Variants in CHMP4B observed in about 807,000 individuals in gnomAD.
CHMP4B encodes SNF7 homolog associated with Alix 1.
In CHMP4B, 1 loss-of-function variant was observed where a neutral mutation model predicts 25.1. The observed-to-expected ratio is 0.04, with a 90% confidence interval of 0.01 to 0.19. CHMP4B has a LOEUF of 0.19. Among genes scored for constraint, CHMP4B ranks in the 10% least tolerant of loss-of-function variants. CHMP4B has a pLI of 1.00. For synonymous variants in CHMP4B, 101 were observed against 115.6 expected, an observed-to-expected ratio of 0.87 and a Z score of 0.81; for missense variants, 151 against 289.7, an observed-to-expected ratio of 0.52 and a Z score of 3.48.
At chr20:33,850,897 G>A in intron 2 of CHMP4B, 55 bp from the exon 3 acceptor site, 1 of 1,304,934 alleles carries the variant, frequency 7.7e-7, no homozygotes, top group Non-Finnish European at 1.1e-6. Flanking sequence ...TGCCTTGCAG[G>A]CCCCCTTTAC....
intron 1 of CHMP4B, among the ~76,000 whole-genome samples, chr20:33,835,237 T>A (rs1471382342): frequency 6.6e-6 from 1 of 152,218 alleles, no homozygotes; most frequent in Non-Finnish European, 1.5e-5. Context: ...TAATGTATAT[T>A]TTTTTCTTTG....
In CHMP4B at chr20:33,854,086, GTGTATTGGCCC is replaced by G. The variant is rs2122821699; in HGVS notation, c.*530_*540del. On this transcript the variant is annotated 3_prime_UTR_variant, in exon 5 of 5. Coordinates refer to ENST00000217402, the MANE Select transcript of CHMP4B (RefSeq NM_176812.5). ...AGAGCTGTGTTTCTGTCCATCACCT[GTGTATTGGCCC>G]TGTGTTTACCACTCTGGCCCACTCC... The G allele has an allele frequency of 5.2e-6, 1 of 190,996 alleles. No individual in the cohort carries two copies. Among genetic ancestry groups the G allele is most frequent in the South Asian group, 1.0e-4 (1 of 9,776 alleles). 11.8% of individuals were successfully genotyped at this position (190,996 alleles called of 1,614,324 possible).
chr20:33,833,119 G>A (rs1462027608), intron 1 of CHMP4B, among the ~76,000 whole-genome samples: 6 of 152,098 alleles, frequency 3.9e-5, no homozygotes, highest in African/African-American at 1.2e-4. Context: ...CCACTCTGAA[G>A]TCCCTGAACT....
At chr20:33,818,231 G>C (rs551191167) in intron 1 of CHMP4B, among the ~76,000 whole-genome samples, 2 of 152,286 alleles carry the variant, frequency 1.3e-5, no homozygotes, top group Admixed American at 1.3e-4. Context: ...TCCCCACAAG[G>C]GCCCACACAG....
intron 1 of CHMP4B, among the ~76,000 whole-genome samples, chr20:33,829,356 A>G (rs1448479443): frequency 1.3e-5 from 2 of 152,186 alleles, no homozygotes; most frequent in African/African-American, 4.8e-5. Context: ...GGCCCAGCCG[A>G]GAATGCCCAT....
chr20:33,852,320 G>GTGGTCGGTTGGCTTTGGTT (rs1979877452), intron 4 of CHMP4B, 117 bp downstream of exon 4: 1 of 1,244,530 alleles, frequency 8.0e-7, no homozygotes, highest in African/African-American at 1.5e-5. Flanking sequence ...GCTTTGGTCT[G>GTGGTCGGTTGGCTTTGGTT]TGTCCTGAGC....
chr20:33,822,390 C>T (rs1978967182), intron 1 of CHMP4B, among the ~76,000 whole-genome samples: 1 of 152,230 alleles, frequency 6.6e-6, no homozygotes, highest in Non-Finnish European at 1.5e-5. Context: ...GGTGATCCAC[C>T]TGCCTCGGCC....
At chr20:33,825,810 A>G (rs1443634691) in intron 1 of CHMP4B, among the ~76,000 whole-genome samples, 1 of 152,150 alleles carries the variant, frequency 6.6e-6, no homozygotes, top group Admixed American at 6.5e-5. Context: ...GACAAGAACC[A>G]TTGTTCTTAT....
intron 1 of CHMP4B, among the ~76,000 whole-genome samples, chr20:33,844,480 A>G (rs1469523334): frequency 6.6e-6 from 1 of 152,074 alleles, no homozygotes. Flanking sequence ...CCTCCCTGGT[A>G]TATTTGCGTA....
intron 1 of CHMP4B, among the ~76,000 whole-genome samples, chr20:33,832,183 T>C (rs1568608083): frequency 6.6e-6 from 1 of 152,180 alleles, no homozygotes; most frequent in Non-Finnish European, 1.5e-5. Flanking sequence ...GTTGCCAGGG[T>C]GCTCTCATGC....
Position 33,829,644 on chromosome 20 carries a change from TAA to T in CHMP4B, c.190+17987_190+17988del, listed in dbSNP as rs570962309. 9.8e-5 allele frequency among the ~76,000 whole-genome samples: 15 copies of T among 152,304 alleles called. No individual in the cohort carries two copies. In the East Asian group the frequency reaches 2.7e-3, roughly 27 times the overall value. ...CCTGATCATTTTCATGTATGAGAAA[TAA>T]GTTTTAGATTTTCTTTTAATTGGCT... On this transcript the variant is annotated intron_variant, in intron 1 of 4. Transcript: ENST00000217402.
intron 1 of CHMP4B, among the ~76,000 whole-genome samples, chr20:33,826,572 T>C (rs1979100459): frequency 6.6e-6 from 1 of 152,162 alleles, no homozygotes; most frequent in Non-Finnish European, 1.5e-5. Flanking sequence ...AGGTGAAGCT[T>C]CCCATTGGTT....
At chr20:33,841,625 C>T (rs1331956270) in intron 1 of CHMP4B, among the ~76,000 whole-genome samples, 13 of 152,294 alleles carry the variant, frequency 8.5e-5, no homozygotes, top group Non-Finnish European at 5.9e-5. Flanking sequence ...GAAATGAGAG[C>T]CTAGCCTTGC....
At chr20:33,836,032 G>T (rs1290238550) in intron 1 of CHMP4B, among the ~76,000 whole-genome samples, 2 of 152,134 alleles carry the variant, frequency 1.3e-5, no homozygotes, top group Non-Finnish European at 2.9e-5. Context: ...CACGAGACTT[G>T]GCAGGGTCAA....
intron 3 of CHMP4B, 107 bp from the exon 4 acceptor site, chr20:33,851,970 C>T: frequency 6.8e-7 from 1 of 1,470,952 alleles, no homozygotes; most frequent in Non-Finnish European, 9.5e-7. Flanking sequence ...CCCCGCAGAC[C>T]TTCTCAGAGG....
intron 1 of CHMP4B, among the ~76,000 whole-genome samples, chr20:33,813,205 C>G (rs1482791383): frequency 6.7e-6 from 1 of 150,154 alleles, no homozygotes; most frequent in Non-Finnish European, 1.5e-5. Flanking sequence ...GGAAAAGGCT[C>G]GGAGGTTAGC....
chr20:33,825,225 C>T (rs1209933822), intron 1 of CHMP4B, among the ~76,000 whole-genome samples: 2 of 152,210 alleles, frequency 1.3e-5, no homozygotes, highest in South Asian at 2.1e-4. Context: ...TTTTAATACC[C>T]GTTAATTGAG....
intron 1 of CHMP4B, among the ~76,000 whole-genome samples, chr20:33,828,618 G>A (rs1979158287): frequency 6.6e-6 from 1 of 152,158 alleles, no homozygotes; most frequent in African/African-American, 2.4e-5. Context: ...GTCTTTCCCT[G>A]CATCAGGGTT....
At chr20:33,832,809 C>T (rs1160397884) in intron 1 of CHMP4B, among the ~76,000 whole-genome samples, 5 of 143,378 alleles carry the variant, frequency 3.5e-5, no homozygotes, top group Admixed American at 7.1e-5. Flanking sequence ...GACAGGGTCT[C>T]GTTCTGTTGC....
Sources: gnomAD v4.1 joint callset for allele counts (sites outside exome capture counted in the v4.1 genomes callset) on GRCh38, gnomAD v4.1.1 for gene constraint, MANE v1.5 for transcripts, NCBI Gene and HGNC (gene_info 2026-07-23, HGNC 2026-07-21) for gene names.